The following KCNH4 variants were observed in gnomAD, a reference collection of about 807,000 sequenced individuals.
The protein encoded by KCNH4 is voltage-gated delayed rectifier potassium channel KCNH4.
KCNH4 carries 33 observed loss-of-function variants against 90.7 expected under a neutral mutation model. The ratio of observed to expected loss-of-function variants is 0.36; its 90% CI spans 0.28 to 0.49. The LOEUF (loss-of-function observed/expected upper bound fraction) is 0.49. KCNH4 is among the 20% of genes least tolerant of loss of function. The pLI is 0.98. For missense variants in KCNH4, 1,044 were observed against 1,387.1 expected, an observed-to-expected ratio of 0.75 and a Z score of 3.93; for synonymous variants, 551 against 581.7, an observed-to-expected ratio of 0.95 and a Z score of 0.76.
chr17:42,166,639 TC>T, intron 9 of KCNH4, 93 bp from the exon 10 acceptor site: 9 of 1,478,794 alleles, frequency 6.1e-6, no homozygotes, highest in Non-Finnish European at 7.3e-6. Flanking sequence ...AGAGAATTCC[TC>T]TTGCCCTTGC....
At position 42,170,091 on chromosome 17, in the gene KCNH4, G is replaced by T; in HGVS notation, c.1390+16C>A. 1 of 1,575,932 alleles carries T rather than the reference G, an allele frequency of 6.3e-7. No individual in the cohort carries two copies. Reference sequence around the variant, plus strand: ...CTTCGCAGGGCCCCACTGAGGCGTGGCAGGTCTGGCCTCACCGCCTATGAG... The same window carrying T: ...CTTCGCAGGGCCCCACTGAGGCGTGTCAGGTCTGGCCTCACCGCCTATGAG... On this transcript the variant is annotated intron_variant, in intron 8 of 16. Transcript: ENST00000264661.
intron 16 of KCNH4, among the ~76,000 whole-genome samples, chr17:42,158,856 A>ATTTT (rs1240646600): frequency 1.3e-5 from 2 of 149,812 alleles, no homozygotes; most frequent in Non-Finnish European, 3.0e-5. Context: ...ATATATATAT[A>ATTTT]TTTTTTTTAT....
chr17:42,175,695 C>G lies in KCNH4; in HGVS notation c.871G>C (p.Gly291Arg). ...GAACGAGGAGCAGAGATTACCTGGC[C>G]GGACTGGGACACATAGGTGGTGCGG... The part of the protein sequence containing the change: ...NFRTTYVSQS[G>R]QVISAPRSIG... Residue 291 changes from glycine to arginine, a missense_variant, in exon 6 of 17, where the codon GGC becomes CGC. Coordinates refer to ENST00000264661, the MANE Select transcript of KCNH4 (RefSeq NM_012285.3). 6.2e-7 allele frequency: 1 copy of G among 1,613,982 alleles called. No individual in the cohort carries two copies. Among genetic ancestry groups the G allele is most frequent in the Non-Finnish European group, 8.5e-7 (1 of 1,179,978 alleles).
chr17:42,166,327 G>C lies in KCNH4; in HGVS notation c.1810C>G (p.Leu604Val), dbSNP rs951215224. 5 of 1,610,158 alleles carry C rather than the reference G, an allele frequency of 3.1e-6. No individual in the cohort carries two copies. The African/African-American group carries it at 6.7e-5, about 22-fold the overall frequency. Residue 604 changes from leucine (L) to valine (V), a missense_variant, in exon 10 of 17, where the codon CTC becomes GTC. This residue lies in a region of KCNH4 where 318 missense variants were observed against 479.6 expected (regional missense o/e 0.66). Transcript: ENST00000264661. ...YYVCSGSLEV[L>V]RDNMVLAILG... The stretch of plus-strand genomic sequence containing the variant: ...ATGGCCAGCACCATGTTGTCTCGGA[G>C]CACCTCAAGCGAGCCGGAGCAGACA...
At chr17:42,157,980 G>A (rs1017431570) in intron 16 of KCNH4, among the ~76,000 whole-genome samples, 1 of 151,956 alleles carries the variant, frequency 6.6e-6, no homozygotes, top group African/African-American at 2.4e-5. Context: ...CCAGACTTGA[G>A]AGCAATGGCA....
intron 9 of KCNH4, among the ~76,000 whole-genome samples, chr17:42,169,065 T>C (rs572526384): frequency 6.6e-6 from 1 of 151,034 alleles, no homozygotes; most frequent in African/African-American, 2.4e-5. Context: ...GCCACTGCGC[T>C]CAGCGCCTCC....
rs2079876037 is a variant in KCNH4, at chr17:42,178,223, G to A, written c.462C>T (p.Asn154=). 5 of 1,614,248 alleles carry A rather than the reference G, an allele frequency of 3.1e-6. No homozygotes were observed. Among genetic ancestry groups the A allele is most frequent in the Non-Finnish European group, 4.2e-6 (5 of 1,180,048 alleles). The change falls in exon 4 of 17, where the codon AAC becomes AAT. Residue 154 remains asparagine, a synonymous_variant. Transcript: ENST00000264661. ...QGGRGDSNHE[N]SLGRRGATWK... is the part of the protein sequence containing the mutation. ...AGGTGGCTCCCCTTCTACCAAGGGA[G>A]TTTTCTGTTGGGAAGAAAGGTGCAG...
chr17:42,166,870 C>G (rs555887332), intron 9 of KCNH4, among the ~76,000 whole-genome samples: 2 of 152,166 alleles, frequency 1.3e-5, no homozygotes, highest in South Asian at 2.1e-4. Context: ...GGAGTCAGCT[C>G]GGCTCCTAAG....
intron 6 of KCNH4, among the ~76,000 whole-genome samples, chr17:42,172,781 G>A (rs1475635010): frequency 2.0e-5 from 3 of 151,846 alleles, no homozygotes; most frequent in Non-Finnish European, 4.4e-5. Context: ...TAGGGGAGCC[G>A]GCCCTAGTCA....
chr17:42,160,521 A>G (rs1157656289), intron 15 of KCNH4, 86 bp from the exon 16 acceptor site: 1 of 1,415,904 alleles, frequency 7.1e-7, no homozygotes, highest in Non-Finnish European at 9.5e-7. Context: ...GCTCTTTCGC[A>G]GCCACTTTCT....
intron 16 of KCNH4, among the ~76,000 whole-genome samples, chr17:42,159,189 G>A (rs985220212): frequency 9.9e-5 from 15 of 151,854 alleles, no homozygotes; most frequent in African/African-American, 3.6e-4. Context: ...CACCATGCCC[G>A]GCTAATTTTG....
At chr17:42,162,170 T>G in intron 15 of KCNH4, 78 bp downstream of exon 15, 1 of 1,287,518 alleles carries the variant, frequency 7.8e-7, no homozygotes, top group Non-Finnish European at 1.1e-6. Context: ...GGTCCCAAAC[T>G]CCTGACCTCA....
Position 42,163,757 on chromosome 17 carries a change from G to T in KCNH4, c.2326C>A (p.Pro776Thr), listed in dbSNP as rs1229714298. The T allele has an allele frequency of 6.4e-7, 1 of 1,561,698 alleles. No homozygotes were observed. The highest frequency in any genetic ancestry group is 2.0e-5 in the Admixed American group (1 of 50,088). The change falls in exon 13 of 17, where the codon CCT (proline) becomes ACT (threonine). Residue 776 changes from proline (P) to threonine (T), a missense_variant. Pro to Thr is a conservative substitution (Grantham distance 38). This residue lies in a region of KCNH4 where 441 missense variants were observed against 512.3 expected (regional missense o/e 0.86). Transcript: ENST00000264661. This position sits in a 1 kb window ranked among gnomAD's most constrained non-coding sequence, Gnocchi z 5.4. ...LPPFSALVSS[P>T]SLSPSLSPAL... ...GGGGACAGGGATGGGGATAAGGAAG[G>T]AGAGGAGACAAGGGCTGAGAATGGG...
At chr17:42,162,209 T>A in intron 15 of KCNH4, 39 bp downstream of exon 15, 1 of 1,583,240 alleles carries the variant, frequency 6.3e-7, no homozygotes, top group Non-Finnish European at 8.7e-7. Context: ...TCTGAAATGC[T>A]GTTATATCAG....
chr17:42,158,694 G>A (rs1407861766), intron 16 of KCNH4, among the ~76,000 whole-genome samples: 1 of 150,574 alleles, frequency 6.6e-6, no homozygotes, highest in Non-Finnish European at 1.5e-5. Context: ...AATTAGCCGG[G>A]TGTGGTGGCG....
At position 42,180,604 on chromosome 17, in the gene KCNH4, C is replaced by G. The variant is rs1275180611; in HGVS notation, c.76+266G>C. 3.3e-5 allele frequency among the ~76,000 whole-genome samples: 5 copies of G among 152,028 alleles called. No individual in the cohort carries two copies. Among genetic ancestry groups the G allele is most frequent in the African/African-American group, 9.7e-5 (4 of 41,392 alleles). The stretch of plus-strand genomic sequence containing the variant: ...CCGAGAGTGGGCGGCTCCGAAGGAC[C>G]CTCCTCCGCTCTGCCGCACAAAGAG... On this transcript the variant is annotated intron_variant, in intron 1 of 16. Transcript: ENST00000264661. The surrounding 1 kb of genome is among the most constrained non-coding windows in gnomAD (Gnocchi z 4.7).
chr17:42,157,336 C>T (rs140765885), intron 16 of KCNH4, among the ~76,000 whole-genome samples: 25 of 152,162 alleles, frequency 1.6e-4, no homozygotes, highest in African/African-American at 5.8e-4. Context: ...TTTTGAGCCT[C>T]CGCGCCTGGC....
chr17:42,169,023 G>A (rs999236100), intron 9 of KCNH4, among the ~76,000 whole-genome samples: 5 of 152,012 alleles, frequency 3.3e-5, no homozygotes, highest in Admixed American at 6.6e-5. Flanking sequence ...CGCCCACCTC[G>A]GCCTCCCAAA....
chr17:42,160,233 G>T lies in KCNH4; in HGVS notation c.2861C>A (p.Ala954Asp). ...PPPSLQDTTL[A>D]EVHCPASVGT... is the part of the protein sequence containing the mutation. The stretch of plus-strand genomic sequence containing the variant: ...CACACTGGCTGGGCAGTGAACTTCA[G>T]CAAGCGTAGTATCCTGGAGGCTGGG... Residue 954 changes from alanine to aspartate, a missense_variant, in exon 16 of 17, where the codon GCT (alanine) becomes GAT (aspartate). Around this residue, in one of 4 missense-constraint regions of KCNH4, gnomAD observed 441 missense variants for 512.3 expected, o/e 0.86. Transcript: ENST00000264661. 6 of 1,614,112 alleles carry T rather than the reference G, an allele frequency of 3.7e-6. No individual in the cohort carries two copies. Among genetic ancestry groups the T allele is most frequent in the Non-Finnish European group, 5.1e-6 (6 of 1,179,984 alleles).
Sources: gnomAD v4.1 joint callset for allele counts (sites outside exome capture counted in the v4.1 genomes callset) on GRCh38, gnomAD v4.1.1 for gene constraint, gnomAD v4.1.1 regional missense constraint, Gnocchi (gnomAD v3.1) non-coding constraint, MANE v1.5 for transcripts, NCBI Gene and HGNC (gene_info 2026-07-23, HGNC 2026-07-21) for gene names.